Variants in TOGARAM2 observed in about 807,000 individuals in gnomAD.
The protein encoded by TOGARAM2 is TOG array regulator of axonemal microtubules protein 2.
In TOGARAM2, 85 loss-of-function variants were observed where a neutral mutation model predicts 93.3. The observed-to-expected ratio is 0.91, with a 90% CI of 0.76 to 1.09. The LOEUF (loss-of-function observed/expected upper bound fraction) is 1.09. Ranked by LOEUF, TOGARAM2 falls within the 50% of genes least tolerant of loss-of-function variation. The pLI, the probability that TOGARAM2 is intolerant of heterozygous loss-of-function variation, is 0.00. For missense variants in TOGARAM2, 1,277 were observed against 1,334.5 expected (o/e 0.96, Z 0.67); for synonymous variants, 593 against 552.8 (o/e 1.07, Z -1.02).
At chr2:29,039,076 C>T (rs1463286953) in intron 18 of TOGARAM2, among the ~76,000 whole-genome samples, 1 of 152,136 alleles carries the variant, frequency 6.6e-6, no homozygotes, top group Non-Finnish European at 1.5e-5. Context: ...TGGGTGATAG[C>T]AGCAGAGAGT....
intron 7 of TOGARAM2, among the ~76,000 whole-genome samples, chr2:29,013,715 G>A (rs1178305329): frequency 6.6e-6 from 1 of 152,230 alleles, no homozygotes; most frequent in Non-Finnish European, 1.5e-5. Flanking sequence ...TAGCTGCGAT[G>A]GCAGCTAGCA....
chr2:28,962,119 T>G (rs1459832503), intron 1 of TOGARAM2, among the ~76,000 whole-genome samples: 1 of 151,926 alleles, frequency 6.6e-6, no homozygotes, highest in Non-Finnish European at 1.5e-5. Context: ...TTGGGACACG[T>G]AAGTCTCACA....
intron 1 of TOGARAM2, among the ~76,000 whole-genome samples, chr2:28,968,811 C>CTT (rs1248858378): frequency 1.1e-5 from 1 of 87,502 alleles, no homozygotes; most frequent in Admixed American, 1.8e-4. Context: ...GAGTGAGACT[C>CTT]TGTCAAAAAA....
intron 1 of TOGARAM2, among the ~76,000 whole-genome samples, chr2:28,960,735 G>A (rs1671793826): frequency 6.6e-6 from 1 of 152,224 alleles, no homozygotes; most frequent in Non-Finnish European, 1.5e-5. Flanking sequence ...ACAACTTTCT[G>A]TGATGACAGA....
intron 18 of TOGARAM2, among the ~76,000 whole-genome samples, chr2:29,040,031 A>G (rs1455916808): frequency 6.6e-6 from 1 of 152,120 alleles, no homozygotes; most frequent in African/African-American, 2.4e-5. Context: ...TACTTTTGCT[A>G]TTTTGCTCTC....
At position 29,035,595 on chromosome 2, in the gene TOGARAM2, T is replaced by C; in HGVS notation, c.2357T>C (p.Val786Ala). Residue 786 changes from valine to alanine, a missense_variant, in exon 17 of 20, where the codon GTG becomes GCG. Coordinates refer to ENST00000379558, the MANE Select transcript of TOGARAM2 (RefSeq NM_199280.4). The stretch of plus-strand genomic sequence containing the variant: ...GACTTCCGGTCCCGGATGGAAGGCG[T>C]GGGGCAGCTCCTGGAGCTCTGCAAG... ...AKDFRSRMEG[V>A]GQLLELCKAK... 1 of 1,586,352 alleles carries C rather than the reference T, an allele frequency of 6.3e-7. No individual in the cohort carries two copies. The highest frequency in any genetic ancestry group is 1.3e-5 in the African/African-American group (1 of 74,464).
chr2:28,998,403 A>G, intron 3 of TOGARAM2, 150 bp downstream of exon 3: 1 of 616,746 alleles, frequency 1.6e-6, no homozygotes. Flanking sequence ...ATTCTTTCAA[A>G]GGCAGGTTCT....
intron 6 of TOGARAM2, among the ~76,000 whole-genome samples, chr2:29,003,933 T>C (rs766962303): frequency 3.9e-5 from 6 of 152,218 alleles, no homozygotes; most frequent in Non-Finnish European, 7.3e-5. Context: ...CCAGCCTCTG[T>C]CTTCTCCCAG....
intron 10 of TOGARAM2, 91 bp downstream of exon 10, chr2:29,018,047 T>G: frequency 7.2e-7 from 1 of 1,396,448 alleles, no homozygotes; most frequent in Non-Finnish European, 9.5e-7. Flanking sequence ...CTCGGTGGCT[T>G]TGCTTCCGCC....
At chr2:28,994,911 G>T (rs1430404898) in intron 2 of TOGARAM2, 49 bp downstream of exon 2, 2 of 1,548,018 alleles carry the variant, frequency 1.3e-6, no homozygotes, top group African/African-American at 2.7e-5. Context: ...CAGGCTAGGG[G>T]ACCTGCCTCG....
At position 29,036,770 on chromosome 2, in the gene TOGARAM2, C is replaced by A. The variant is rs763087285; in HGVS notation, c.2635+13C>A. 1.2e-5 allele frequency: 19 copies of A among 1,607,706 alleles called. No homozygotes were observed. Among genetic ancestry groups the A allele is most frequent in the Admixed American group, 1.7e-5 (1 of 58,974 alleles). On this transcript the variant is annotated intron_variant, in intron 18 of 19. Coordinates refer to ENST00000379558, the MANE Select transcript of TOGARAM2 (RefSeq NM_199280.4). ...GTTGAGAGCCTGGGTGAGTGTCCCA[C>A]GTGGGCCTGTGTGGCTCTGGTCACC...
chr2:29,041,608 T>G (rs1666440853), intron 18 of TOGARAM2, among the ~76,000 whole-genome samples: 1 of 152,202 alleles, frequency 6.6e-6, no homozygotes, highest in Non-Finnish European at 1.5e-5. Context: ...CCTCAGGGCT[T>G]GGCTGAATGG....
intron 11 of TOGARAM2, 143 bp from the exon 12 acceptor site, chr2:29,022,942 AC>A: frequency 1.5e-6 from 1 of 657,034 alleles, no homozygotes. Context: ...ACCCCGGGAA[AC>A]CCTGCTCTGA....
At position 28,999,334 on chromosome 2, in the gene TOGARAM2, CT is replaced by C; in HGVS notation, c.296del (p.Leu99TrpfsTer71). Reference sequence around the variant, plus strand: ...CACCCCAGGAACCTCAGGGCCTTGTCTTTGGGGGACCAGCCCCTGGTGCTCC... The same window carrying C: ...CACCCCAGGAACCTCAGGGCCTTGTCTTGGGGGACCAGCCCCTGGTGCTCC... ...NGHPRNLRAL[S>X]LGDQPLVLLP... is the part of the protein sequence containing the mutation. On this transcript the variant is annotated frameshift_variant, in exon 4 of 20. Coordinates refer to ENST00000379558, the MANE Select transcript of TOGARAM2 (RefSeq NM_199280.4). LOFTEE classifies it high-confidence loss of function. 6.2e-7 allele frequency: 1 copy of C among 1,613,830 alleles called. No homozygotes were observed. The highest frequency in any genetic ancestry group is 8.5e-7 in the Non-Finnish European group (1 of 1,179,822).
chr2:29,003,643 G>T lies in TOGARAM2; in HGVS notation c.791G>T (p.Gly264Val), dbSNP rs762816105. The T allele has an allele frequency of 3.1e-6, 5 of 1,589,748 alleles. No homozygotes were observed. The East Asian group carries it at 1.2e-4, about 37-fold the overall frequency. Reference sequence around the variant, plus strand: ...TCCCTTCCCAGCCCGTTACCTCCAGGCCAGGGAGTCCTCACAGGCCTGAGG... The same window carrying T: ...TCCCTTCCCAGCCCGTTACCTCCAGTCCAGGGAGTCCTCACAGGCCTGAGG... ...PGSLPSPLPPGQGVLTGLRAP... is the reference protein window; with the variant it reads ...PGSLPSPLPPVQGVLTGLRAP... The change falls in exon 6 of 20, where the codon GGC (glycine) becomes GTC (valine). Residue 264 changes from glycine (G) to valine (V), a missense_variant. Gly to Val is a moderately radical substitution (Grantham distance 109, BLOSUM62 -3). Transcript: ENST00000379558.
intron 1 of TOGARAM2, among the ~76,000 whole-genome samples, chr2:28,971,958 T>C (rs1671951293): frequency 6.6e-6 from 1 of 152,268 alleles, no homozygotes; most frequent in African/African-American, 2.4e-5. Flanking sequence ...CCAACAGGTC[T>C]ATATGGTCAT....
intron 19 of TOGARAM2, chr2:29,051,495 A>G (rs1667064535): frequency 3.1e-6 from 1 of 318,646 alleles, no homozygotes; most frequent in Non-Finnish European, 5.7e-6. Context: ...CCCTTTCTCC[A>G]TAAAAAATAT....
At chr2:28,964,864 C>T (rs754018649) in intron 1 of TOGARAM2, among the ~76,000 whole-genome samples, 1 of 152,070 alleles carries the variant, frequency 6.6e-6, no homozygotes, top group Non-Finnish European at 1.5e-5. Flanking sequence ...GTATGTGTAC[C>T]ACCTTTTCTT....
intron 1 of TOGARAM2, among the ~76,000 whole-genome samples, chr2:28,990,991 G>GGTGTGTGTGTGTGTGT (rs70958233): frequency 8.3e-6 from 1 of 119,812 alleles, no homozygotes; most frequent in African/African-American, 3.5e-5. Context: ...GTGTGTGAAG[G>GGTGTGTGTGTGTGTGT]GTGTGTGTGT....
Sources: allele counts gnomAD v4.1 joint callset (sites outside exome capture counted in the v4.1 genomes callset), GRCh38; gene constraint gnomAD v4.1.1; transcripts MANE v1.5; gene names NCBI Gene and HGNC (gene_info 2026-07-23, HGNC 2026-07-21).